GPD2: variants seen among roughly 807,000 people sequenced by gnomAD.
GPD2 encodes the protein glycerol-3-phosphate dehydrogenase 2.
A neutral mutation model predicts 82.4 loss-of-function variants in GPD2; 54 were observed. The ratio of observed to expected loss-of-function variants is 0.66; its 90% CI spans 0.53 to 0.82. The LOEUF (loss-of-function observed/expected upper bound fraction) is 0.82, where lower values mean the gene tolerates loss of function less well. GPD2 is among the 40% of genes least tolerant of loss of function. The pLI is 0.00. For synonymous variants in GPD2, 288 were observed against 306.1 expected, an observed-to-expected ratio of 0.94 and a Z score of 0.62; for missense variants, 748 against 896.2, an observed-to-expected ratio of 0.83 and a Z score of 2.11.
chr2:156,513,484 GTCTAC>G lies in GPD2; in HGVS notation c.651_655del (p.Tyr218Ter). Reference sequence around the variant, plus strand: ...GAAGGACAAACTGGTAGGAGCAATTGTCTACTATGACGGTATGTGATGTTTTTTTT... The same window carrying G: ...GAAGGACAAACTGGTAGGAGCAATTGTATGACGGTATGTGATGTTTTTTTT... On this transcript the variant is annotated frameshift_variant, in exon 6 of 17. Coordinates refer to ENST00000438166, the MANE Select transcript of GPD2 (RefSeq NM_000408.5). LOFTEE classifies it high-confidence loss of function. The G allele has an allele frequency of 6.2e-7, 1 of 1,607,548 alleles. No homozygotes were observed. Among genetic ancestry groups the G allele is most frequent in the Non-Finnish European group, 8.5e-7 (1 of 1,175,018 alleles).
chr2:156,540,616 G>A (rs1686271278), intron 6 of GPD2, among the ~76,000 whole-genome samples: 1 of 152,186 alleles, frequency 6.6e-6, no homozygotes, highest in Non-Finnish European at 1.5e-5. Context: ...TTTCCTTTAT[G>A]AAAAGTGACA....
At chr2:156,433,001 C>T (rs550210596), upstream of GPD2, among the ~76,000 whole-genome samples, 141 of 152,250 alleles carry the variant, frequency 9.3e-4, no homozygotes, top group Middle Eastern at 0.01. Context: ...AGAGGAATCA[C>T]GTCCAGTGCT....
At chr2:156,565,915 G>A (rs1240560842) in intron 9 of GPD2, among the ~76,000 whole-genome samples, 1 of 152,018 alleles carries the variant, frequency 6.6e-6, no homozygotes, top group African/African-American at 2.4e-5. Context: ...CAAAGAGTCT[G>A]CTAGATATAT....
chr2:156,405,118 C>T, the GPD2 span, among the ~76,000 whole-genome samples: 1 of 152,072 alleles, frequency 6.6e-6, no homozygotes, highest in African/African-American at 2.4e-5. Flanking sequence ...GTGACGAGGT[C>T]CTGAACCAAG....
At chr2:156,519,759 C>T (rs1342764918) in intron 6 of GPD2, among the ~76,000 whole-genome samples, 1 of 152,204 alleles carries the variant, frequency 6.6e-6, no homozygotes, top group Non-Finnish European at 1.5e-5. Context: ...GTGCTCAAAC[C>T]CCTTGTGGGT....
intron 3 of GPD2, among the ~76,000 whole-genome samples, chr2:156,509,487 A>G (rs1474216757): frequency 3.9e-5 from 6 of 152,158 alleles, no homozygotes; most frequent in Admixed American, 3.9e-4. Flanking sequence ...ACATTCTTTC[A>G]TCCTCCAAGA....
chr2:156,585,671 A>T lies in GPD2; in HGVS notation c.*2753A>T, dbSNP rs147826736. The T allele has an allele frequency of 1.3e-5, 2 of 152,450 alleles. No individual in the cohort carries two copies. The highest frequency in any genetic ancestry group is 2.4e-5 in the African/African-American group (1 of 41,432). 9.4% of individuals were successfully genotyped at this position (152,450 alleles called of 1,614,324 possible). A position where few individuals can be genotyped will look rare whatever the true frequency, so the allele number is the denominator to read the frequency against. Reference sequence around the variant, plus strand: ...AAATATGTAGCTTCCTCTTTTGTACAACAAAAAACTCATTCTCACTTTTAC... The same window carrying T: ...AAATATGTAGCTTCCTCTTTTGTACTACAAAAAACTCATTCTCACTTTTAC... On this transcript the variant is annotated 3_prime_UTR_variant, in exon 17 of 17. Coordinates refer to ENST00000438166, the MANE Select transcript of GPD2 (RefSeq NM_000408.5).
intron 11 of GPD2, among the ~76,000 whole-genome samples, chr2:156,569,871 A>G (rs918345303): frequency 1.3e-5 from 2 of 152,154 alleles, no homozygotes; most frequent in African/African-American, 4.8e-5. Context: ...TTCATCAGTC[A>G]TTGATGCAGT....
At chr2:156,552,138 G>T (rs955440779) in intron 8 of GPD2, among the ~76,000 whole-genome samples, 1 of 152,148 alleles carries the variant, frequency 6.6e-6, no homozygotes, top group African/African-American at 2.4e-5. Flanking sequence ...TCATTAAAGA[G>T]AATTTCTTAT....
intron 4 of GPD2, 123 bp downstream of exon 4, chr2:156,511,043 G>T (rs552497073): frequency 2.4e-4 from 203 of 857,588 alleles, no homozygotes; most frequent in Non-Finnish European, 3.6e-4. Context: ...TACCTATTTA[G>T]TGTATTCTGC....
intron 6 of GPD2, among the ~76,000 whole-genome samples, chr2:156,514,893 TGG>T (rs1479936685): frequency 6.6e-6 from 1 of 152,142 alleles, no homozygotes. Context: ...TGTAGTTTAT[TGG>T]GTGATTATAG....
intron 6 of GPD2, among the ~76,000 whole-genome samples, chr2:156,543,491 C>G (rs922386733): frequency 4.6e-5 from 7 of 152,190 alleles, no homozygotes; most frequent in African/African-American, 7.2e-5. Context: ...AGCACAATCT[C>G]TGGTACATTA....
intron 1 of GPD2, among the ~76,000 whole-genome samples, chr2:156,464,218 T>A (rs2105180803): frequency 6.6e-6 from 1 of 152,354 alleles, no homozygotes. Flanking sequence ...TTGTTAGCAG[T>A]ATGAATTACT....
chr2:156,549,376 G>A (rs1013817268), intron 6 of GPD2, among the ~76,000 whole-genome samples: 16 of 152,166 alleles, frequency 1.1e-4, no homozygotes, highest in African/African-American at 3.9e-4. Flanking sequence ...GTAGGAAAGG[G>A]ATATTTTCAC....
chr2:156,479,903 C>T (rs1001352568), intron 2 of GPD2, among the ~76,000 whole-genome samples: 2 of 152,188 alleles, frequency 1.3e-5, no homozygotes, highest in South Asian at 2.1e-4. Context: ...AGCTGTATGC[C>T]AAGGAACAAG....
At chr2:156,486,791 G>A (rs1683958809) in intron 2 of GPD2, among the ~76,000 whole-genome samples, 1 of 152,198 alleles carries the variant, frequency 6.6e-6, no homozygotes, top group East Asian at 1.9e-4. Flanking sequence ...TATATTTGAT[G>A]AAATAATTCA....
intron 3 of GPD2, among the ~76,000 whole-genome samples, chr2:156,504,894 G>A (rs1345661271): frequency 6.6e-6 from 1 of 151,956 alleles, no homozygotes; most frequent in Admixed American, 6.6e-5. Context: ...AAATGTGAAC[G>A]TTTAAATACC....
intron 1 of GPD2, among the ~76,000 whole-genome samples, chr2:156,466,123 C>T (rs2105184242): frequency 6.6e-6 from 1 of 152,040 alleles, no homozygotes; most frequent in South Asian, 2.1e-4. Context: ...GGGTTACCCT[C>T]AATTATGTAT....
At chr2:156,517,400 A>G (rs1289034342) in intron 6 of GPD2, among the ~76,000 whole-genome samples, 1 of 152,254 alleles carries the variant, frequency 6.6e-6, no homozygotes, top group Non-Finnish European at 1.5e-5. Context: ...ATGCAGACAG[A>G]GAGAATCTCA....
Sources: gnomAD v4.1 joint callset for allele counts (sites outside exome capture counted in the v4.1 genomes callset) on GRCh38, gnomAD v4.1.1 for gene constraint, MANE v1.5 for transcripts, NCBI Gene and HGNC (gene_info 2026-07-23, HGNC 2026-07-21) for gene names.